The following SFMBT2 variants were observed in gnomAD, a reference collection of about 807,000 sequenced individuals.
SFMBT2 encodes the protein scm-like with four MBT domains protein 2.
SFMBT2 carries 38 observed loss-of-function variants against 110.1 expected under a neutral mutation model. The observed-to-expected ratio is 0.35, with a 90% CI of 0.27 to 0.45. The LOEUF is 0.45. Ranked by LOEUF, SFMBT2 falls within the 20% of genes least tolerant of loss-of-function variation. SFMBT2 has a pLI of 1.00. For missense variants in SFMBT2, 1,011 were observed against 1,094.9 expected, an observed-to-expected ratio of 0.92 and a Z score of 1.08; for synonymous variants, 425 against 425.4, an observed-to-expected ratio of 1.00 and a Z score of 0.01.
chr10:7,323,111 G>A (rs1309436469), intron 4 of SFMBT2, among the ~76,000 whole-genome samples: 1 of 152,116 alleles, frequency 6.6e-6, no homozygotes, highest in Admixed American at 6.5e-5. Flanking sequence ...CTGAAAACAG[G>A]TAAAAACAAT....
At chr10:7,322,658 C>T (rs1588447842) in intron 4 of SFMBT2, among the ~76,000 whole-genome samples, 1 of 151,914 alleles carries the variant, frequency 6.6e-6, no homozygotes, top group East Asian at 1.9e-4. Context: ...AAAGTAAGGT[C>T]TAATAAACAG....
rs192295042 is a variant in SFMBT2, at chr10:7,318,827, T to G, written c.437-32873A>C. On this transcript the variant is annotated intron_variant, in intron 4 of 20. Coordinates refer to ENST00000397167, the MANE Select transcript of SFMBT2 (RefSeq NM_001387889.1). The stretch of plus-strand genomic sequence containing the variant: ...ATAAATCTGCCAGGGTGGGGCTGAT[T>G]TTATTTGTACACAATTCCTCAAATC... Among the ~76,000 whole-genome samples, 47 of 152,330 alleles carry G rather than the reference T, an allele frequency of 3.1e-4. No homozygotes were observed. In the East Asian group the frequency reaches 8.7e-3, roughly 28 times the overall value.
At chr10:7,338,186 G>A (rs1843774854) in intron 4 of SFMBT2, among the ~76,000 whole-genome samples, 1 of 152,174 alleles carries the variant, frequency 6.6e-6, no homozygotes, top group African/African-American at 2.4e-5. Flanking sequence ...TTCACCAAGA[G>A]GGAAAATCAA....
rs572778405 is a variant in SFMBT2, at chr10:7,301,428, G to A, written c.437-15474C>T. Among the ~76,000 whole-genome samples, 25 of 152,200 alleles carry A rather than the reference G, an allele frequency of 1.6e-4. No homozygotes were observed. The highest frequency in any genetic ancestry group is 6.5e-5 in the Admixed American group (1 of 15,282). ...AGAAAGCCCGAACTCATGAGACAGC[G>A]GAGGAAACCCGGGAGGGACTAGAAC... On this transcript the variant is annotated intron_variant, in intron 4 of 20. Transcript: ENST00000397167. This position sits in a 1 kb window ranked among gnomAD's most constrained non-coding sequence, Gnocchi z 4.2.
chr10:7,265,999 T>C (rs1209137662), intron 7 of SFMBT2, among the ~76,000 whole-genome samples: 2 of 152,056 alleles, frequency 1.3e-5, no homozygotes, highest in Non-Finnish European at 2.9e-5. Flanking sequence ...TATATAATAG[T>C]CGGGGGAATC....
intron 1 of SFMBT2, among the ~76,000 whole-genome samples, chr10:7,406,901 C>A (rs780725014): frequency 1.3e-5 from 2 of 151,992 alleles, no homozygotes; most frequent in Non-Finnish European, 2.9e-5. Context: ...GCTGCGAGAC[C>A]CCCGGCTCGG....
intron 4 of SFMBT2, among the ~76,000 whole-genome samples, chr10:7,317,902 G>T (rs868091522): frequency 6.6e-6 from 1 of 152,136 alleles, no homozygotes; most frequent in Non-Finnish European, 1.5e-5. Context: ...ATTTGACTTC[G>T]TTATAAATTC....
At chr10:7,164,720 C>T (rs1412216497) in intron 20 of SFMBT2, among the ~76,000 whole-genome samples, 2 of 148,594 alleles carry the variant, frequency 1.3e-5, no homozygotes, top group Non-Finnish European at 3.0e-5. Context: ...GATATGCCAA[C>T]GACAGCACAG....
At chr10:7,262,855 T>C (rs888174744) in intron 7 of SFMBT2, among the ~76,000 whole-genome samples, 1 of 152,206 alleles carries the variant, frequency 6.6e-6, no homozygotes, top group Non-Finnish European at 1.5e-5. Flanking sequence ...TTTTTTGCCA[T>C]GGAATTCATG....
At chr10:7,341,331 A>C (rs756588040) in intron 4 of SFMBT2, among the ~76,000 whole-genome samples, 2 of 152,212 alleles carry the variant, frequency 1.3e-5, no homozygotes, top group African/African-American at 2.4e-5. Flanking sequence ...TCACCACCAC[A>C]GTCAAACCCA....
chr10:7,170,128 T>C lies in SFMBT2; in HGVS notation c.2544+800A>G, dbSNP rs1259990089. On this transcript the variant is annotated intron_variant, in intron 20 of 20. Transcript: ENST00000397167. The surrounding 1 kb of genome is among the most constrained non-coding windows in gnomAD (Gnocchi z 4.6). ...ATACAAATTCACAAACAGAAGACTC[T>C]GGAAGGTGGAGAAAGGAGGGCAGAC... is the stretch of plus-strand genomic sequence containing the variant. 6.6e-6 allele frequency among the ~76,000 whole-genome samples: 1 copy of C among 152,014 alleles called. No individual in the cohort carries two copies. Among genetic ancestry groups the C allele is most frequent in the South Asian group, 2.1e-4 (1 of 4,830 alleles).
At chr10:7,271,582 G>C (rs1346622126) in intron 7 of SFMBT2, among the ~76,000 whole-genome samples, 2 of 152,178 alleles carry the variant, frequency 1.3e-5, no homozygotes, top group African/African-American at 4.8e-5. Context: ...CAGGGGTCCA[G>C]GGAAGGATTC....
chr10:7,348,413 A>G (rs955736767), intron 4 of SFMBT2: 37 of 1,208,402 alleles, frequency 3.1e-5, no homozygotes, highest in Non-Finnish European at 3.7e-5. Flanking sequence ...GGGGCTCTTC[A>G]TAACTACTGT....
Position 7,225,078 on chromosome 10 carries a change from C to T in SFMBT2, c.1203+2777G>A, listed in dbSNP as rs538212661. Among the ~76,000 whole-genome samples the T allele has an allele frequency of 7.2e-5, 11 of 152,326 alleles. No homozygotes were observed. The South Asian group carries it at 1.9e-3, about 26-fold the overall frequency. On this transcript the variant is annotated intron_variant, in intron 10 of 20. Transcript: ENST00000397167. ...TGTTTCTGCAAGTTACCCAGCCTCA[C>T]GCACAGCTATTATGTATTGAGCTTC...
Position 7,161,290 on chromosome 10 carries a change from GA to G in SFMBT2, c.*2479del, listed in dbSNP as rs904686369. 1.3e-5 allele frequency: 2 copies of G among 152,260 alleles called. No homozygotes were observed. Among genetic ancestry groups the G allele is most frequent in the African/African-American group, 4.8e-5 (2 of 41,440 alleles). 9.4% of individuals were successfully genotyped at this position (152,260 alleles called of 1,614,324 possible). Reference sequence around the variant, plus strand: ...CGTGCTACCACTGAAAAGGGAGACAGAAGTGACATTTGTGCTGCAAGTCCCT... The same window carrying G: ...CGTGCTACCACTGAAAAGGGAGACAGAGTGACATTTGTGCTGCAAGTCCCT... On this transcript the variant is annotated 3_prime_UTR_variant, in exon 21 of 21. Transcript: ENST00000397167.
At chr10:7,295,847 T>C (rs748771737) in intron 4 of SFMBT2, among the ~76,000 whole-genome samples, 3 of 152,202 alleles carry the variant, frequency 2.0e-5, no homozygotes, top group Non-Finnish European at 4.4e-5. Context: ...ATACTGTTCA[T>C]TTCAGACAAG....
intron 4 of SFMBT2, among the ~76,000 whole-genome samples, chr10:7,357,019 C>T (rs1844537951): frequency 6.6e-6 from 1 of 152,230 alleles, no homozygotes; most frequent in Non-Finnish European, 1.5e-5. Flanking sequence ...CATGCATTTA[C>T]TTCGCAATCT....
At chr10:7,227,751 C>G in intron 10 of SFMBT2, 104 bp downstream of exon 10, 1 of 957,598 alleles carries the variant, frequency 1.0e-6, no homozygotes, top group East Asian at 2.5e-5. Context: ...CTCCAGTGCA[C>G]TGTAATACTC....
chr10:7,202,419 C>G, intron 13 of SFMBT2, 61 bp downstream of exon 13: 1 of 1,606,584 alleles, frequency 6.2e-7, no homozygotes, highest in Non-Finnish European at 8.5e-7. Flanking sequence ...TTCCCATCCT[C>G]CATAAAGACA....
Sources: gnomAD v4.1 joint callset for allele counts (sites outside exome capture counted in the v4.1 genomes callset) on GRCh38, gnomAD v4.1.1 for gene constraint, Gnocchi (gnomAD v3.1) non-coding constraint, MANE v1.5 for transcripts, NCBI Gene and HGNC (gene_info 2026-07-23, HGNC 2026-07-21) for gene names.